Variants in TMEM132D observed in about 807,000 individuals in gnomAD.
TMEM132D encodes the protein transmembrane protein 132D, also known as mature OL transmembrane protein.
A neutral mutation model predicts 62.3 loss-of-function variants in TMEM132D; 21 were observed. That is an observed-to-expected ratio of 0.34 (90% CI 0.24 to 0.49). The LOEUF (loss-of-function observed/expected upper bound fraction) is 0.49. TMEM132D is among the 20% of genes least tolerant of loss of function. TMEM132D has a pLI of 0.99. For missense variants in TMEM132D, 1,346 were observed against 1,402.8 expected (o/e 0.96, Z 0.65); for synonymous variants, 621 against 575.6 (o/e 1.08, Z -1.13).
chr12:129,831,513 C>G (rs750152257), intron 1 of TMEM132D, among the ~76,000 whole-genome samples: 2 of 152,192 alleles, frequency 1.3e-5, no homozygotes, highest in Admixed American at 6.5e-5. Context: ...GCCGGTGCCT[C>G]GGCTGGCTCA....
chr12:129,091,553 C>G (rs1258849222), intron 5 of TMEM132D, among the ~76,000 whole-genome samples: 2 of 151,510 alleles, frequency 1.3e-5, no homozygotes, highest in African/African-American at 4.9e-5. Flanking sequence ...TTTACCTAAG[C>G]TCATCTCAGC....
rs1328093590 is a variant in TMEM132D at position 129,623,686 on chromosome 12, C to CATATGTACAT, written c.968+76123_968+76124insATGTACATAT. Among the ~76,000 whole-genome samples the CATATGTACAT allele has an allele frequency of 3.6e-5, 3 of 84,110 alleles. No individual in the cohort carries two copies. In the East Asian group the frequency reaches 1.1e-3, roughly 30 times the overall value. 55.2% of individuals were successfully genotyped at this position (84,110 alleles called of 152,430 possible). On this transcript the variant is annotated intron_variant, in intron 2 of 8. Coordinates refer to ENST00000422113, the MANE Select transcript of TMEM132D (RefSeq NM_133448.3). ...ATACATATATATACACATATATATA[C>CATATGTACAT]ATATATACATATATATACATACATA...
intron 3 of TMEM132D, among the ~76,000 whole-genome samples, chr12:129,524,808 C>T (rs79612864): frequency 0.22 from 33,445 of 151,410 alleles, 4,704 homozygotes; most frequent in East Asian, 0.38. Context: ...TGAGCGGAGA[C>T]TGCGCCACTG....
At chr12:129,215,789 G>A (rs759089013) in intron 4 of TMEM132D, among the ~76,000 whole-genome samples, 35 of 152,214 alleles carry the variant, frequency 2.3e-4, no homozygotes, top group Non-Finnish European at 3.7e-4. Flanking sequence ...GGTGGCTGGG[G>A]AGGCCTCACA....
intron 3 of TMEM132D, among the ~76,000 whole-genome samples, chr12:129,347,220 T>C (rs778453106): frequency 4.6e-5 from 7 of 152,136 alleles, no homozygotes; most frequent in Non-Finnish European, 7.3e-5. Flanking sequence ...TTAAATTTCA[T>C]ATGGAACCAA....
chr12:129,543,159 ATGGGTGGGTGGG>A (rs1204354689), intron 2 of TMEM132D, among the ~76,000 whole-genome samples: 2 of 63,024 alleles, frequency 3.2e-5, no homozygotes, highest in Non-Finnish European at 6.2e-5. Context: ...AGATGGATGA[ATGGGTGGGTGGG>A]TGGGTGGGTG....
At chr12:129,080,178 C>T (rs530719762) in intron 7 of TMEM132D, among the ~76,000 whole-genome samples, 1 of 152,234 alleles carries the variant, frequency 6.6e-6, no homozygotes, top group East Asian at 1.9e-4. Flanking sequence ...GAATTAATGA[C>T]CATCATTTAG....
rs1359418096 is a variant in TMEM132D, at chr12:129,218,005, C to A, written c.1300-8342G>T. On this transcript the variant is annotated intron_variant, in intron 4 of 8. Transcript: ENST00000422113. ...AGGCAGGCATCTCCGGAGCTAGGAC[C>A]AGCAGCCTCTCTCCCTGGGACTTGA... Among the ~76,000 whole-genome samples the A allele has an allele frequency of 2.6e-5, 4 of 152,116 alleles. No homozygotes were observed. The East Asian group carries it at 5.8e-4, about 22-fold the overall frequency.
chr12:129,303,663 A>G (rs1448158468), intron 4 of TMEM132D, among the ~76,000 whole-genome samples: 1 of 152,156 alleles, frequency 6.6e-6, no homozygotes, highest in East Asian at 1.9e-4. Context: ...TGAGAAGCAG[A>G]GCCAACAGGA....
At chr12:129,670,856 C>T (rs1164241457) in intron 2 of TMEM132D, among the ~76,000 whole-genome samples, 1 of 152,100 alleles carries the variant, frequency 6.6e-6, no homozygotes, top group Non-Finnish European at 1.5e-5. Context: ...CAAAGTACCA[C>T]CAAAAATCTA....
chr12:129,294,815 T>A (rs1881528756), intron 4 of TMEM132D, among the ~76,000 whole-genome samples: 1 of 152,246 alleles, frequency 6.6e-6, no homozygotes, highest in Non-Finnish European at 1.5e-5. Context: ...AATGATAATG[T>A]ACTTTCCATC....
At chr12:129,346,419 T>G (rs1358558548) in intron 3 of TMEM132D, among the ~76,000 whole-genome samples, 1 of 152,228 alleles carries the variant, frequency 6.6e-6, no homozygotes, top group East Asian at 1.9e-4. Flanking sequence ...TGAAGGGTTT[T>G]TCATGACTCT....
chr12:129,146,871 G>A (rs1354536455), intron 5 of TMEM132D, among the ~76,000 whole-genome samples: 1 of 152,170 alleles, frequency 6.6e-6, no homozygotes, highest in East Asian at 1.9e-4. Context: ...AAGAGGTACT[G>A]CTGTTATCTT....
chr12:129,811,249 T>C (rs994208274), intron 1 of TMEM132D, among the ~76,000 whole-genome samples: 9 of 151,600 alleles, frequency 5.9e-5, no homozygotes, highest in Non-Finnish European at 1.3e-4. Flanking sequence ...AGGCAATCTG[T>C]ATGCCCAACA....
intron 3 of TMEM132D, among the ~76,000 whole-genome samples, chr12:129,483,027 C>A (rs1874477148): frequency 6.6e-6 from 1 of 150,484 alleles, no homozygotes; most frequent in Non-Finnish European, 1.5e-5. Context: ...ATAATCAAAT[C>A]TTCAAAAACT....
At chr12:129,355,447 G>A (rs1201660233) in intron 3 of TMEM132D, among the ~76,000 whole-genome samples, 1 of 152,136 alleles carries the variant, frequency 6.6e-6, no homozygotes, top group East Asian at 1.9e-4. Flanking sequence ...GGGGGAAGCG[G>A]AGAGTGAAAT....
At chr12:129,616,686 C>T (rs1421744934) in intron 2 of TMEM132D, among the ~76,000 whole-genome samples, 5 of 152,148 alleles carry the variant, frequency 3.3e-5, no homozygotes, top group Non-Finnish European at 5.9e-5. Context: ...TGAAGAAGGA[C>T]GTGTCTGCTT....
chr12:129,801,524 A>G (rs1221163845), intron 1 of TMEM132D, among the ~76,000 whole-genome samples: 2 of 151,594 alleles, frequency 1.3e-5, no homozygotes, highest in East Asian at 1.9e-4. Flanking sequence ...CATCCACACC[A>G]AAAACCCATC....
chr12:129,121,076 T>C (rs574116309), intron 5 of TMEM132D, among the ~76,000 whole-genome samples: 101 of 151,758 alleles, frequency 6.7e-4, no homozygotes, highest in African/African-American at 2.4e-3. Context: ...ATCAGCTGAT[T>C]TTATTTTATT....
Sources: gnomAD v4.1 joint callset for allele counts (sites outside exome capture counted in the v4.1 genomes callset) on GRCh38, gnomAD v4.1.1 for gene constraint, MANE v1.5 for transcripts, NCBI Gene and HGNC (gene_info 2026-07-23, HGNC 2026-07-21) for gene names.